ABCA5: variants seen among roughly 807,000 people sequenced by gnomAD.
ABCA5 encodes cholesterol transporter ABCA5.
Under a neutral mutation model 206.0 loss-of-function variants are expected in ABCA5, and 163 were observed. That is an observed-to-expected ratio of 0.79 (90% CI 0.70 to 0.90). The LOEUF (loss-of-function observed/expected upper bound fraction) is 0.90. Among genes scored for constraint, ABCA5 ranks in the 40% least tolerant of loss-of-function variants. ABCA5 has a pLI of 0.00. For missense variants in ABCA5, 1,859 were observed against 1,912.9 expected (o/e 0.97, Z 0.53); for synonymous variants, 609 against 613.8 (o/e 0.99, Z 0.11).
Position 69,294,705 on chromosome 17 carries a change from C to T in ABCA5, c.1445G>A (p.Gly482Asp), listed in dbSNP as rs1234654303. Reference sequence around the variant, plus strand: ...CTTCTTTCTGTATGTCTTCTGAATACCACTAATTCTGAAATATAAAGTTTT... The same window carrying T: ...CTTCTTTCTGTATGTCTTCTGAATATCACTAATTCTGAAATATAAAGTTTT... ...FVGKEAIRIS[G>D]IQKTYRKKGE... The change falls in exon 11 of 39, where the codon GGT becomes GAT. Residue 482 changes from glycine (G) to aspartate (D), a missense_variant. Coordinates refer to ENST00000392676, the MANE Select transcript of ABCA5 (RefSeq NM_172232.4). 6.3e-7 allele frequency: 1 copy of T among 1,594,040 alleles called. No homozygotes were observed. The highest frequency in any genetic ancestry group is 1.3e-5 in the African/African-American group (1 of 74,318).
At chr17:69,293,990 G>T (rs926154034) in intron 11 of ABCA5, among the ~76,000 whole-genome samples, 2 of 151,832 alleles carry the variant, frequency 1.3e-5, no homozygotes, top group African/African-American at 4.8e-5. Flanking sequence ...AGAATTATCA[G>T]GACCAAAATG....
chr17:69,276,150 G>A (rs926186463), intron 19 of ABCA5, among the ~76,000 whole-genome samples: 49 of 152,224 alleles, frequency 3.2e-4, no homozygotes, highest in South Asian at 1.9e-3. Flanking sequence ...GCAGTGGCAC[G>A]ATCTTGGCTC....
intron 18 of ABCA5, among the ~76,000 whole-genome samples, chr17:69,282,159 C>A (rs1443350757): frequency 6.6e-6 from 1 of 152,086 alleles, no homozygotes; most frequent in Admixed American, 6.6e-5. Context: ...CTTTTTTGTC[C>A]TCATCTTATT....
chr17:69,299,796 A>G (rs2075631904), intron 9 of ABCA5, among the ~76,000 whole-genome samples: 1 of 152,082 alleles, frequency 6.6e-6, no homozygotes, highest in African/African-American at 2.4e-5. Context: ...AATTAACACT[A>G]AAGGACTTAT....
Position 69,326,863 on chromosome 17 carries a change from T to C in ABCA5, c.-16+189A>G, listed in dbSNP as rs1440216271. ...CGCGCTTCCCGGGAGCTGAGGGAGG[T>C]CTGTTTCCCTCAGCTCGCCGCCTCT... On this transcript the variant is annotated intron_variant, in intron 1 of 38. Transcript: ENST00000392676. This position sits in a 1 kb window ranked among gnomAD's most constrained non-coding sequence, Gnocchi z 4.8. Among the ~76,000 whole-genome samples, 1 of 150,846 alleles carries C rather than the reference T, an allele frequency of 6.6e-6. No individual in the cohort carries two copies. Among genetic ancestry groups the C allele is most frequent in the African/African-American group, 2.4e-5 (1 of 40,906 alleles).
At chr17:69,298,822 T>C (rs1258694191) in intron 9 of ABCA5, among the ~76,000 whole-genome samples, 1 of 152,112 alleles carries the variant, frequency 6.6e-6, no homozygotes, top group African/African-American at 2.4e-5. Flanking sequence ...CAAAGATAGA[T>C]AGGACTTAAT....
rs71144665 is a variant in ABCA5 at position 69,252,016 on chromosome 17, A to ACTTTTATATTC, written c.4416-151_4416-150insGAATATAAAAG. 923 of 613,904 alleles carry ACTTTTATATTC rather than the reference A, an allele frequency of 1.5e-3. 180 individuals carry two copies. Among genetic ancestry groups the ACTTTTATATTC allele is most frequent in the Middle Eastern group, 5.7e-3 (12 of 2,096 alleles). The allele number at this position is 613,904 out of a possible 1,614,324, so 38.0% of individuals were successfully genotyped here. On this transcript the variant is annotated intron_variant, in intron 34 of 38. Coordinates refer to ENST00000392676, the MANE Select transcript of ABCA5 (RefSeq NM_172232.4). Reference sequence around the variant, plus strand: ...GGCTATTACATCCTGCCCAACTATGATTTTTTTTTTTTTGAGACGGAGTCT... The same window carrying ACTTTTATATTC: ...GGCTATTACATCCTGCCCAACTATGACTTTTATATTCTTTTTTTTTTTTTGAGACGGAGTCT...
intron 22 of ABCA5, among the ~76,000 whole-genome samples, chr17:69,269,216 G>A (rs886117400): frequency 5.9e-5 from 9 of 152,120 alleles, no homozygotes; most frequent in Non-Finnish European, 8.8e-5. Context: ...AAAAAAACAC[G>A]TATGGGAATT....
At chr17:69,252,551 C>G (rs1482226062) in intron 34 of ABCA5, among the ~76,000 whole-genome samples, 1 of 152,026 alleles carries the variant, frequency 6.6e-6, no homozygotes, top group Non-Finnish European at 1.5e-5. Context: ...AAGAGTTGTT[C>G]AAGGCCAGGC....
At chr17:69,304,870 T>G in intron 6 of ABCA5, 60 bp from the exon 7 acceptor site, 1 of 1,378,960 alleles carries the variant, frequency 7.3e-7, no homozygotes, top group Non-Finnish European at 9.5e-7. Context: ...AGTTAAAAAA[T>G]CATTTTAAAC....
chr17:69,265,114 T>C (rs952410755), intron 23 of ABCA5, among the ~76,000 whole-genome samples: 3 of 152,108 alleles, frequency 2.0e-5, no homozygotes, highest in Non-Finnish European at 4.4e-5. Flanking sequence ...GATGTAACAA[T>C]TTCAACAAAA....
chr17:69,301,662 G>A (rs1254555382), intron 8 of ABCA5, among the ~76,000 whole-genome samples: 2 of 152,102 alleles, frequency 1.3e-5, no homozygotes, highest in Non-Finnish European at 2.9e-5. Flanking sequence ...AACAAATTAA[G>A]TATTAGGGAA....
In ABCA5 at chr17:69,283,943, C is replaced by A; in HGVS notation, c.2392+10G>T. The A allele has an allele frequency of 6.2e-7, 1 of 1,602,742 alleles. No individual in the cohort carries two copies. The highest frequency in any genetic ancestry group is 1.1e-5 in the South Asian group (1 of 88,652). On this transcript the variant is annotated intron_variant, in intron 18 of 38. Coordinates refer to ENST00000392676, the MANE Select transcript of ABCA5 (RefSeq NM_172232.4). ...CATTGCCTAAAATGTTTTGTTAGTT[C>A]TGTTTTTACCTGCTTGGTCAATTTC...
chr17:69,252,075 G>A lies in ABCA5; in HGVS notation c.4416-209C>T, dbSNP rs553754046. Among the ~76,000 whole-genome samples the A allele has an allele frequency of 2.5e-4, 38 of 149,036 alleles. 1 individual carries two copies. Among genetic ancestry groups the A allele is most frequent in the South Asian group, 1.9e-3 (9 of 4,704 alleles). On this transcript the variant is annotated intron_variant, in intron 34 of 38. Coordinates refer to ENST00000392676, the MANE Select transcript of ABCA5 (RefSeq NM_172232.4). Reference sequence around the variant, plus strand: ...CCCCCAGGCTGGAGAGAAGTGGCCCGATCTCGGCTCACTGCAAGCTCCACC... The same window carrying A: ...CCCCCAGGCTGGAGAGAAGTGGCCCAATCTCGGCTCACTGCAAGCTCCACC...
intron 35 of ABCA5, 36 bp from the exon 36 acceptor site, chr17:69,250,657 A>G (rs369841294): frequency 2.7e-5 from 39 of 1,467,680 alleles, no homozygotes; most frequent in Non-Finnish European, 3.6e-5. Context: ...TCAGATATAA[A>G]ATGACAGCTT....
intron 19 of ABCA5, among the ~76,000 whole-genome samples, chr17:69,274,922 C>A (rs184569305): frequency 7.0e-5 from 10 of 142,554 alleles, no homozygotes; most frequent in African/African-American, 2.1e-4. Context: ...CGGCTCACTG[C>A]AACCTCTGCC....
chr17:69,283,839 C>T (rs1212449642), intron 18 of ABCA5, 114 bp downstream of exon 18: 3 of 1,123,198 alleles, frequency 2.7e-6, no homozygotes, highest in Admixed American at 3.3e-5. Context: ...TACTTATTTA[C>T]TTATTTCTAC....
In ABCA5 at chr17:69,304,760, A is replaced by C. The variant is rs1317088772; in HGVS notation, c.839T>G (p.Leu280Arg). 1 of 1,609,036 alleles carries C rather than the reference A, an allele frequency of 6.2e-7. No homozygotes were observed. The highest frequency in any genetic ancestry group is 8.5e-7 in the Non-Finnish European group (1 of 1,177,506). The change falls in exon 7 of 39, where the codon CTT (leucine) becomes CGT (arginine). Residue 280 changes from leucine (L) to arginine (R), a missense_variant. Coordinates refer to ENST00000392676, the MANE Select transcript of ABCA5 (RefSeq NM_172232.4). The part of the protein sequence containing the change: ...YTSLIFLMSL[L>R]MAVIATASLL... ...AGAAGCTGTCGCAATGACTGCCATA[A>C]GAAGGGACATAAGAAAAATTAAACT...
chr17:69,285,248 T>C (rs1344906184), intron 17 of ABCA5: 1 of 152,108 alleles, frequency 6.6e-6, no homozygotes, highest in Non-Finnish European at 1.5e-5. Flanking sequence ...TGGGTATAAG[T>C]AGATAGAATG....
Sources: allele counts gnomAD v4.1 joint callset (sites outside exome capture counted in the v4.1 genomes callset), GRCh38; gene constraint gnomAD v4.1.1; non-coding constraint Gnocchi (gnomAD v3.1); transcripts MANE v1.5; gene names NCBI Gene and HGNC (gene_info 2026-07-23, HGNC 2026-07-21).